LRP1B: variants seen among roughly 807,000 people sequenced by gnomAD.
The protein encoded by LRP1B is low-density lipoprotein receptor-related protein 1B.
In LRP1B, 217 loss-of-function variants were observed where a neutral mutation model predicts 556.6. The observed-to-expected ratio is 0.39, with a 90% CI of 0.35 to 0.44. The LOEUF (loss-of-function observed/expected upper bound fraction) is 0.44, where lower values mean the gene tolerates loss of function less well. LRP1B is among the 20% of genes least tolerant of loss of function. LRP1B has a pLI of 1.00. For synonymous variants in LRP1B, 2,047 were observed against 1,865.8 expected, an observed-to-expected ratio of 1.10 and a Z score of -2.50; for missense variants, 5,053 against 5,620.8, an observed-to-expected ratio of 0.90 and a Z score of 3.23.
chr2:141,606,621 TC>T (rs1455195448), intron 2 of LRP1B, among the ~76,000 whole-genome samples: 2 of 152,138 alleles, frequency 1.3e-5, no homozygotes, highest in African/African-American at 2.4e-5. Flanking sequence ...CTGACTGGTG[TC>T]CTTATAAGAA....
chr2:140,574,147 A>C (rs1328263613), intron 43 of LRP1B, among the ~76,000 whole-genome samples: 2 of 152,078 alleles, frequency 1.3e-5, no homozygotes, highest in African/African-American at 4.8e-5. Context: ...AATTGGAAAA[A>C]TCAAGAACAT....
At chr2:140,933,120 A>G (rs1695104190) in intron 20 of LRP1B, among the ~76,000 whole-genome samples, 2 of 152,050 alleles carry the variant, frequency 1.3e-5, no homozygotes, top group African/African-American at 2.4e-5. Context: ...GTAGCCATGC[A>G]TGCACAAATG....
At chr2:140,898,732 T>C (rs530900366) in intron 23 of LRP1B, 4 of 554,446 alleles carry the variant, frequency 7.2e-6, no homozygotes. Context: ...CCATCTACCT[T>C]TGGGCAACTC....
chr2:140,334,950 T>C (rs1360869353), intron 78 of LRP1B, among the ~76,000 whole-genome samples: 2 of 152,058 alleles, frequency 1.3e-5, no homozygotes, highest in Non-Finnish European at 2.9e-5. Context: ...ATTTTTTTTA[T>C]AGAGAAGTAA....
chr2:140,972,999 A>C (rs531271369), intron 18 of LRP1B, among the ~76,000 whole-genome samples: 1 of 147,340 alleles, frequency 6.8e-6, no homozygotes, highest in East Asian at 2.0e-4. Context: ...ATATTTACAT[A>C]TGTAACATGT....
intron 3 of LRP1B, among the ~76,000 whole-genome samples, chr2:141,307,493 T>C (rs1375052838): frequency 6.6e-6 from 1 of 152,210 alleles, no homozygotes; most frequent in Non-Finnish European, 1.5e-5. Flanking sequence ...TCAGTCTGTA[T>C]AACTTTACAG....
chr2:140,861,009 TC>T (rs1559161496), intron 27 of LRP1B, among the ~76,000 whole-genome samples: 35 of 152,108 alleles, frequency 2.3e-4, no homozygotes, highest in African/African-American at 7.7e-4. Context: ...TATCTATCTA[TC>T]TATCTATCTA....
chr2:140,823,730 TAAA>T (rs1691406081), intron 31 of LRP1B, among the ~76,000 whole-genome samples: 1 of 151,726 alleles, frequency 6.6e-6, no homozygotes. Flanking sequence ...AGTTTATATA[TAAA>T]ACACAGAAAT....
At chr2:140,669,789 TTGTTTAGATTGTTTCGAATCGTCCA>T (rs1339079263) in intron 41 of LRP1B, among the ~76,000 whole-genome samples, 1 of 152,106 alleles carries the variant, frequency 6.6e-6, no homozygotes, top group Admixed American at 6.5e-5. Context: ...GTCCTAAAAA[TTGTTTAGATTGTTTCGAATCGTCCA>T]TGTCTTATAC....
intron 3 of LRP1B, among the ~76,000 whole-genome samples, chr2:141,284,438 G>A (rs1305130097): frequency 6.6e-6 from 1 of 152,208 alleles, no homozygotes; most frequent in African/African-American, 2.4e-5. Flanking sequence ...GATTAGTTAG[G>A]TGGTTATTGA....
chr2:140,322,138 G>C (rs754401687), intron 81 of LRP1B, 50 bp from the exon 82 acceptor site: 1 of 1,527,078 alleles, frequency 6.5e-7, no homozygotes, highest in African/African-American at 1.4e-5. Context: ...GATACAATAG[G>C]CTTCAAAAGC....
At chr2:141,409,766 A>G (rs1344306669) in intron 3 of LRP1B, among the ~76,000 whole-genome samples, 1 of 152,152 alleles carries the variant, frequency 6.6e-6, no homozygotes, top group African/African-American at 2.4e-5. Flanking sequence ...TATGATTAAA[A>G]ATAATTATGC....
chr2:141,889,641 A>G (rs11884984), intron 1 of LRP1B, among the ~76,000 whole-genome samples: 68,900 of 151,892 alleles, frequency 0.45, 15,779 homozygotes, highest in Admixed American at 0.52. Flanking sequence ...CCAGGGTTTC[A>G]CACAGTGACT....
At chr2:141,249,546 G>A (rs1289761783) in intron 4 of LRP1B, among the ~76,000 whole-genome samples, 2 of 151,964 alleles carry the variant, frequency 1.3e-5, no homozygotes, top group South Asian at 2.1e-4. Context: ...GCAGTGAGTC[G>A]AGATTGCACA....
chr2:140,876,394 A>G (rs1238436546), intron 25 of LRP1B, among the ~76,000 whole-genome samples: 2 of 152,164 alleles, frequency 1.3e-5, no homozygotes, highest in East Asian at 1.9e-4. Context: ...TTATGGCAAT[A>G]CAGTTATTTG....
chr2:140,688,719 A>T (rs1686134980), intron 41 of LRP1B, among the ~76,000 whole-genome samples: 1 of 152,224 alleles, frequency 6.6e-6, no homozygotes. Flanking sequence ...GCAGAGACTT[A>T]TAAAATATCT....
At chr2:141,067,501 T>G (rs1231211866) in intron 7 of LRP1B, among the ~76,000 whole-genome samples, 1 of 152,050 alleles carries the variant, frequency 6.6e-6, no homozygotes, top group Non-Finnish European at 1.5e-5. Context: ...GGACTCCCAC[T>G]GTCGGCTGGC....
intron 20 of LRP1B, among the ~76,000 whole-genome samples, chr2:140,942,943 T>C (rs1695443174): frequency 6.6e-6 from 1 of 152,080 alleles, no homozygotes; most frequent in African/African-American, 2.4e-5. Flanking sequence ...ATATTAACCT[T>C]GAATGTAAAT....
rs141308503 is a variant in LRP1B, at chr2:141,197,956, A to G, written c.851-9373T>C. ...ACGTTTCTGTTCTTGTATATTATGAATATTTTAACATTTTTATTTCTACTC... is the reference window on the plus strand; with the variant it reads ...ACGTTTCTGTTCTTGTATATTATGAGTATTTTAACATTTTTATTTCTACTC... On this transcript the variant is annotated intron_variant, in intron 6 of 90. Coordinates refer to ENST00000389484, the MANE Select transcript of LRP1B (RefSeq NM_018557.3). Among the ~76,000 whole-genome samples, 24 of 152,168 alleles carry G rather than the reference A, an allele frequency of 1.6e-4. No homozygotes were observed. In the East Asian group the frequency reaches 3.9e-3, roughly 25 times the overall value.
Sources: allele counts gnomAD v4.1 joint callset (sites outside exome capture counted in the v4.1 genomes callset), GRCh38; gene constraint gnomAD v4.1.1; transcripts MANE v1.5; gene names NCBI Gene and HGNC (gene_info 2026-07-23, HGNC 2026-07-21).